TRAPPC8: variants seen among roughly 807,000 people sequenced by gnomAD.
TRAPPC8 encodes the protein trafficking protein particle complex subunit 8.
Under a neutral mutation model 174.3 loss-of-function variants are expected in TRAPPC8, and 54 were observed. The ratio of observed to expected loss-of-function variants is 0.31; its 90% CI spans 0.25 to 0.39. The LOEUF (loss-of-function observed/expected upper bound fraction) is 0.39. Among genes scored for constraint, TRAPPC8 ranks in the 10% least tolerant of loss-of-function variants. The pLI, the probability that TRAPPC8 is intolerant of heterozygous loss-of-function variation, is 1.00. For missense variants in TRAPPC8, 1,531 were observed against 1,699.1 expected (o/e 0.90, Z 1.74); for synonymous variants, 630 against 579.9 (o/e 1.09, Z -1.24).
At chr18:31,917,709 G>C in intron 2 of TRAPPC8, 42 bp from the exon 3 acceptor site, 1 of 1,552,670 alleles carries the variant, frequency 6.4e-7, no homozygotes, top group African/African-American at 1.4e-5. Flanking sequence ...GTATTCAATA[G>C]AATCAGTTTA....
chr18:31,840,525 A>G (rs17718566), intron 26 of TRAPPC8, among the ~76,000 whole-genome samples: 2,427 of 152,290 alleles, frequency 0.016, 30 homozygotes, highest in South Asian at 0.025. Flanking sequence ...TATTTGATTT[A>G]TAATTTTCTG....
Position 31,908,915 on chromosome 18 carries a change from C to A in TRAPPC8, c.961G>T (p.Ala321Ser), listed in dbSNP as rs1209178724. ...SIDGPDHLRSASSLHETKKGN... is the reference protein window; with the variant it reads ...SIDGPDHLRSSSSLHETKKGN... ...TTCTTTGTTTCATGTAACGATGAAG[C>A]AGATCTTAGATGATCTGGGCCATCA... Residue 321 changes from alanine to serine, a missense_variant, in exon 7 of 29, where the codon GCT becomes TCT. By Grantham distance (99) the Ala-to-Ser change is moderately conservative. Coordinates refer to ENST00000283351, the MANE Select transcript of TRAPPC8 (RefSeq NM_014939.5). 1.2e-6 allele frequency: 2 copies of A among 1,613,536 alleles called. No individual in the cohort carries two copies. The highest frequency in any genetic ancestry group is 2.7e-5 in the African/African-American group (2 of 74,872).
Position 31,852,633 on chromosome 18 carries a change from T to C in TRAPPC8, c.3464A>G (p.Lys1155Arg). 1.2e-6 allele frequency: 2 copies of C among 1,614,016 alleles called. No individual in the cohort carries two copies. The highest frequency in any genetic ancestry group is 1.7e-6 in the Non-Finnish European group (2 of 1,179,996). The stretch of plus-strand genomic sequence containing the variant: ...ACATCTTATTGCCTTAAAGCAAAAC[T>C]TTCCCTTCTCCCTACTGGCAAGTTT... Reference protein sequence around the residue: ...DTKLASREKGKFCFKAIRCEK... With the variant: ...DTKLASREKGRFCFKAIRCEK... Residue 1155 changes from lysine to arginine, a missense_variant, in exon 23 of 29, where the codon AAG becomes AGG. Lys to Arg is a conservative substitution (Grantham distance 26, BLOSUM62 2). Coordinates refer to ENST00000283351, the MANE Select transcript of TRAPPC8 (RefSeq NM_014939.5).
intron 2 of TRAPPC8, among the ~76,000 whole-genome samples, chr18:31,919,571 AATAAATAAATAAATAAATAAAATAAT>A (rs2037291573): frequency 7.8e-6 from 1 of 127,586 alleles, no homozygotes; most frequent in Admixed American, 9.3e-5. Flanking sequence ...TAAATAAATA[AATAAATAAATAAATAAATAAAATAAT>A]AATAATCCTA....
At chr18:31,846,469 A>C (rs2033407998) in intron 26 of TRAPPC8, among the ~76,000 whole-genome samples, 1 of 152,076 alleles carries the variant, frequency 6.6e-6, no homozygotes, top group African/African-American at 2.4e-5. Flanking sequence ...CAGCTACTCA[A>C]GAGGCTGAGG....
intron 27 of TRAPPC8, among the ~76,000 whole-genome samples, chr18:31,834,414 GACC>G (rs1402420400): frequency 3.3e-5 from 5 of 152,068 alleles, no homozygotes; most frequent in Admixed American, 1.3e-4. Flanking sequence ...CCAGTCTTGG[GACC>G]ACATTTTGAA....
chr18:31,885,533 G>C (rs1856659788), intron 12 of TRAPPC8, among the ~76,000 whole-genome samples: 1 of 152,050 alleles, frequency 6.6e-6, no homozygotes, highest in Non-Finnish European at 1.5e-5. Flanking sequence ...TTATGCTATG[G>C]TTATGTAAGG....
chr18:31,834,837 G>A (rs1338805753), intron 27 of TRAPPC8, among the ~76,000 whole-genome samples: 2 of 151,936 alleles, frequency 1.3e-5, no homozygotes, highest in Non-Finnish European at 2.9e-5. Context: ...ACCTCCTACT[G>A]TCCCATTTCC....
intron 2 of TRAPPC8, among the ~76,000 whole-genome samples, chr18:31,922,443 T>A (rs1432769232): frequency 6.6e-6 from 1 of 150,970 alleles, no homozygotes; most frequent in Admixed American, 6.6e-5. Flanking sequence ...AGTACAAAAA[T>A]TAGTCGGGAG....
At chr18:31,887,452 C>A (rs561475608) in intron 12 of TRAPPC8, among the ~76,000 whole-genome samples, 2 of 152,206 alleles carry the variant, frequency 1.3e-5, no homozygotes, top group South Asian at 4.2e-4. Context: ...CAAGACCAGC[C>A]TGGCCAACGT....
rs1207825610 is a variant in TRAPPC8, at chr18:31,941,280, TA to T, written c.157+1327del. ...CAACATGGAGAAACCCTGTCTCTAC[TA>T]AAAATACAAAAATTATCCGAGTATG... On this transcript the variant is annotated intron_variant, in intron 1 of 28. Coordinates refer to ENST00000283351, the MANE Select transcript of TRAPPC8 (RefSeq NM_014939.5). Among the ~76,000 whole-genome samples the T allele has an allele frequency of 9.9e-5, 15 of 152,164 alleles. No individual in the cohort carries two copies. The East Asian group carries it at 2.9e-3, about 30-fold the overall frequency.
chr18:31,883,659 T>C (rs1340894688), intron 12 of TRAPPC8: 1 of 152,398 alleles, frequency 6.6e-6, no homozygotes, highest in Non-Finnish European at 1.5e-5. Flanking sequence ...AAGGATCAAA[T>C]GTTTTCAAAA....
intron 8 of TRAPPC8, 134 bp downstream of exon 8, chr18:31,908,169 T>C: frequency 2.1e-6 from 1 of 486,766 alleles, no homozygotes; most frequent in Non-Finnish European, 3.4e-6. Flanking sequence ...TGAGTCACTC[T>C]TCTTATCCAC....
At chr18:31,885,565 A>G (rs1350257178) in intron 12 of TRAPPC8, among the ~76,000 whole-genome samples, 1 of 152,082 alleles carries the variant, frequency 6.6e-6, no homozygotes, top group Non-Finnish European at 1.5e-5. Context: ...TTTCTAGAAA[A>G]TAAGAAATAT....
At chr18:31,855,537 C>T (rs2033954224) in intron 21 of TRAPPC8, 123 bp downstream of exon 21, 2 of 771,248 alleles carry the variant, frequency 2.6e-6, no homozygotes, top group African/African-American at 1.8e-5. Context: ...TACTATTCTA[C>T]ATGAACATTC....
Position 31,830,924 on chromosome 18 carries a change from A to G in TRAPPC8, c.4139T>C (p.Leu1380Pro), listed in dbSNP as rs1302408718. The change falls in exon 29 of 29, where the codon CTT becomes CCT. Residue 1380 changes from leucine to proline, a missense_variant. Transcript: ENST00000283351. ...WLGQTQYKLQLKSQEIHSLQL... is the reference protein window; with the variant it reads ...WLGQTQYKLQPKSQEIHSLQL... ...CAGACTGTGAATCTCCTGGCTTTTAAGTTGAAGTTTATACTGTGTTTGTCC... is the reference window on the plus strand; with the variant it reads ...CAGACTGTGAATCTCCTGGCTTTTAGGTTGAAGTTTATACTGTGTTTGTCC... The G allele has an allele frequency of 6.2e-7, 1 of 1,614,090 alleles. No homozygotes were observed. The highest frequency in any genetic ancestry group is 8.5e-7 in the Non-Finnish European group (1 of 1,180,048).
At chr18:31,877,610 CAAAAAA>C (rs1161138155) in intron 12 of TRAPPC8, among the ~76,000 whole-genome samples, 4 of 77,160 alleles carry the variant, frequency 5.2e-5, no homozygotes, top group African/African-American at 2.2e-4. Context: ...GACTCCGTCT[CAAAAAA>C]AAAAAAAAAA....
At chr18:31,908,522 A>T in intron 7 of TRAPPC8, 104 bp from the exon 8 acceptor site, 1 of 920,810 alleles carries the variant, frequency 1.1e-6, no homozygotes, top group African/African-American at 1.7e-5. Flanking sequence ...TGTTCATTTT[A>T]ATAAAACTGA....
chr18:31,862,369 T>C lies in TRAPPC8; in HGVS notation c.2745+2258A>G, dbSNP rs1381497004. Reference sequence around the variant, plus strand: ...AAAAAAAAATGATGAAGCAACAGTATAGTACTGACACAGAAAGAAATAAGG... The same window carrying C: ...AAAAAAAAATGATGAAGCAACAGTACAGTACTGACACAGAAAGAAATAAGG... On this transcript the variant is annotated intron_variant, in intron 19 of 28. Transcript: ENST00000283351. Among the ~76,000 whole-genome samples, 5 of 151,742 alleles carry C rather than the reference T, an allele frequency of 3.3e-5. No individual in the cohort carries two copies. In the East Asian group the frequency reaches 9.7e-4, roughly 29 times the overall value.
Sources: gnomAD v4.1 joint callset for allele counts (sites outside exome capture counted in the v4.1 genomes callset) on GRCh38, gnomAD v4.1.1 for gene constraint, MANE v1.5 for transcripts, NCBI Gene and HGNC (gene_info 2026-07-23, HGNC 2026-07-21) for gene names.